The following CLTCL1 variants were observed in gnomAD, a reference collection of about 807,000 sequenced individuals.
CLTCL1 encodes clathrin heavy chain 2.
In CLTCL1, 159 loss-of-function variants were observed where a neutral mutation model predicts 190.0. The ratio of observed to expected loss-of-function variants is 0.84; its 90% CI spans 0.74 to 0.95. The LOEUF is 0.95. Among genes scored for constraint, CLTCL1 ranks in the 40% least tolerant of loss-of-function variants. CLTCL1 has a pLI of 0.00. For synonymous variants in CLTCL1, 752 were observed against 769.6 expected (o/e 0.98, Z 0.38); for missense variants, 1,878 against 2,033.4 (o/e 0.92, Z 1.47).
At chr22:19,226,730 T>C (rs544393408) in intron 11 of CLTCL1, among the ~76,000 whole-genome samples, 1 of 152,258 alleles carries the variant, frequency 6.6e-6, no homozygotes, top group Admixed American at 6.5e-5. Context: ...AATCACATTC[T>C]TTTTTTCCTT....
In CLTCL1 at chr22:19,196,257, C is replaced by T. The variant is rs2084700872; in HGVS notation, c.4191+9G>A. ...CTGGCAGGAGCCAGCGCTCTGTATCCCCTCTTACCTTGGTAATGATGTCCT... is the reference window on the plus strand; with the variant it reads ...CTGGCAGGAGCCAGCGCTCTGTATCTCCTCTTACCTTGGTAATGATGTCCT... On this transcript the variant is annotated intron_variant, in intron 26 of 32. Transcript: ENST00000427926. 2.5e-6 allele frequency: 4 copies of T among 1,611,558 alleles called. No individual in the cohort carries two copies. In the East Asian group the frequency reaches 8.9e-5, roughly 36 times the overall value.
chr22:19,274,806 C>T (rs1412769365), intron 2 of CLTCL1, among the ~76,000 whole-genome samples: 6 of 151,428 alleles, frequency 4.0e-5, no homozygotes, highest in African/African-American at 9.7e-5. Flanking sequence ...CTCTGCTCAC[C>T]GCAACCTCCA....
chr22:19,185,373 C>A (rs1185511681), intron 29 of CLTCL1, among the ~76,000 whole-genome samples: 3 of 150,112 alleles, frequency 2.0e-5, no homozygotes, highest in South Asian at 2.1e-4. Flanking sequence ...GTCACCCAGG[C>A]TGGAGTGCAG....
intron 3 of CLTCL1, among the ~76,000 whole-genome samples, chr22:19,251,032 G>A (rs2800994): frequency 0.059 from 8,978 of 152,154 alleles, 333 homozygotes; most frequent in Middle Eastern, 0.16. Context: ...TATTCCAATA[G>A]AGATTATGTT....
rs117166674 is a variant in CLTCL1, at chr22:19,210,460, G to A, written c.3115C>T (p.Arg1039Trp). Reference sequence around the variant, plus strand: ...AGGCGGCTGATGTACTCCATGACCCGTGTGCGGTCTGCCTTGATGGCAGTC... The same window carrying A: ...AGGCGGCTGATGTACTCCATGACCCATGTGCGGTCTGCCTTGATGGCAGTC... ...ILTAIKADRTRVMEYISRLDN... is the reference protein window; with the variant it reads ...ILTAIKADRTWVMEYISRLDN... Residue 1039 changes from arginine to tryptophan, a missense_variant, in exon 20 of 33, where the codon CGG becomes TGG. Coordinates refer to ENST00000427926, the MANE Select transcript of CLTCL1 (RefSeq NM_007098.4). 3.1e-6 allele frequency: 5 copies of A among 1,613,970 alleles called. No homozygotes were observed. The highest frequency in any genetic ancestry group is 4.5e-5 in the East Asian group (2 of 44,880).
chr22:19,227,274 A>AAT (rs1292663981), intron 11 of CLTCL1, among the ~76,000 whole-genome samples: 2 of 150,536 alleles, frequency 1.3e-5, no homozygotes, highest in African/African-American at 4.9e-5. Context: ...TGAGGCATAA[A>AAT]ATCTTTTTTT....
At chr22:19,265,263 G>C (rs1350584966) in intron 2 of CLTCL1, among the ~76,000 whole-genome samples, 4 of 152,160 alleles carry the variant, frequency 2.6e-5, no homozygotes, top group African/African-American at 9.7e-5. Context: ...TTGCTCTCTA[G>C]TCAAAATGGT....
At chr22:19,193,104 C>T (rs1206365486) in intron 26 of CLTCL1, among the ~76,000 whole-genome samples, 2 of 151,458 alleles carry the variant, frequency 1.3e-5, no homozygotes, top group African/African-American at 2.4e-5. Flanking sequence ...TCAGGCCTCC[C>T]GTGAAGGAGA....
intron 1 of CLTCL1, among the ~76,000 whole-genome samples, chr22:19,279,849 AATGT>A (rs552817585): frequency 5.4e-4 from 82 of 152,322 alleles, no homozygotes; most frequent in Admixed American, 9.2e-4. Context: ...AAGCCCAAAC[AATGT>A]ATGAAACAAA....
intron 18 of CLTCL1, among the ~76,000 whole-genome samples, chr22:19,216,601 G>A (rs1390389420): frequency 4.6e-5 from 7 of 152,252 alleles, no homozygotes; most frequent in South Asian, 2.1e-4. Context: ...TGAAGACACC[G>A]CAGGGGCTTC....
chr22:19,200,104 T>C (rs1344398335), intron 23 of CLTCL1, among the ~76,000 whole-genome samples: 3 of 152,172 alleles, frequency 2.0e-5, no homozygotes, highest in African/African-American at 7.2e-5. Flanking sequence ...CTGAGTTTTG[T>C]TCAGGTGGCG....
intron 28 of CLTCL1, 49 bp downstream of exon 28, chr22:19,187,931 AG>A (rs1295474809): frequency 1.3e-6 from 2 of 1,545,162 alleles, no homozygotes; most frequent in African/African-American, 2.7e-5. Flanking sequence ...TGGCAGTTGC[AG>A]GGGAGGAGCC....
chr22:19,272,659 G>C (rs1368115612), intron 2 of CLTCL1, among the ~76,000 whole-genome samples: 1 of 151,908 alleles, frequency 6.6e-6, no homozygotes, highest in Non-Finnish European at 1.5e-5. Flanking sequence ...TTAGTAGAGA[G>C]GAGGTTACTC....
intron 10 of CLTCL1, 68 bp downstream of exon 10, chr22:19,232,408 G>A (rs557819214): frequency 2.4e-5 from 38 of 1,595,074 alleles, no homozygotes; most frequent in African/African-American, 1.1e-4. Context: ...AACAGGAAAC[G>A]AATCAAAGAA....
intron 2 of CLTCL1, among the ~76,000 whole-genome samples, chr22:19,260,003 G>T (rs568010174): frequency 1.3e-5 from 2 of 152,334 alleles, no homozygotes; most frequent in East Asian, 3.9e-4. Context: ...CAGCCTTACT[G>T]CTGATATGGA....
At chr22:19,197,479 C>T (rs2084749098) in intron 24 of CLTCL1, among the ~76,000 whole-genome samples, 1 of 152,210 alleles carries the variant, frequency 6.6e-6, no homozygotes, top group Non-Finnish European at 1.5e-5. Flanking sequence ...CCTCATTTCT[C>T]TTCTGCCTTA....
intron 11 of CLTCL1, among the ~76,000 whole-genome samples, chr22:19,228,037 T>C (rs1206545): frequency 0.063 from 9,516 of 152,030 alleles, 355 homozygotes; most frequent in Middle Eastern, 0.16. Context: ...CCCTGCCACC[T>C]GGCACACTCT....
chr22:19,248,537 T>G (rs1206519713), intron 3 of CLTCL1, among the ~76,000 whole-genome samples: 1 of 152,136 alleles, frequency 6.6e-6, no homozygotes, highest in Non-Finnish European at 1.5e-5. Flanking sequence ...GAAACCCTAT[T>G]AGCATTCAAT....
intron 31 of CLTCL1, among the ~76,000 whole-genome samples, 199 bp from the exon 32 acceptor site, chr22:19,180,437 A>T (rs149544735): frequency 6.6e-6 from 1 of 152,150 alleles, no homozygotes. Flanking sequence ...CCCTCCCAGC[A>T]CACACCAGCA....
Sources: allele counts gnomAD v4.1 joint callset (sites outside exome capture counted in the v4.1 genomes callset), GRCh38; gene constraint gnomAD v4.1.1; transcripts MANE v1.5; gene names NCBI Gene and HGNC (gene_info 2026-07-23, HGNC 2026-07-21).